The following ZAN variants were observed in gnomAD, a reference collection of about 807,000 sequenced individuals.
ZAN encodes zonadhesin.
ZAN carries 260 observed loss-of-function variants against 286.2 expected under a neutral mutation model. The observed-to-expected ratio is 0.91, with a 90% CI of 0.82 to 1.01. The LOEUF is 1.01. ZAN is among the 50% of genes least tolerant of loss of function. The pLI is 0.00. For missense variants in ZAN, 3,410 were observed against 3,639.2 expected (o/e 0.94, Z 1.62); for synonymous variants, 1,368 against 1,417.5 (o/e 0.97, Z 0.79).
rs575862240 is a variant in ZAN at position 100,788,091 on chromosome 7, C to G, written c.7182C>G (p.Thr2394=). ...TCTTCTTGCAGGAAGTGATTACCAC[C>G]GTCTACGGCTATAAAGTGCAGCTCC... ...SSIFLQEVIT[T]VYGYKVQLQA... Residue 2394 remains threonine, a synonymous_variant, in exon 38 of 48, where the codon ACC becomes ACG. Transcript: ENST00000613979. 1 of 1,567,500 alleles carries G rather than the reference C, an allele frequency of 6.4e-7. No homozygotes were observed. Among genetic ancestry groups the G allele is most frequent in the African/African-American group, 1.3e-5 (1 of 74,370 alleles).
At position 100,755,187 on chromosome 7, in the gene ZAN, C is replaced by T. The variant is rs576795143; in HGVS notation, c.3125-39C>T. 1.1e-5 allele frequency: 17 copies of T among 1,574,654 alleles called. No homozygotes were observed. The East Asian group carries it at 3.9e-4, about 36-fold the overall frequency. On this transcript the variant is annotated intron_variant, in intron 14 of 47. Coordinates refer to ENST00000613979, the MANE Select transcript of ZAN (RefSeq NM_003386.3). ...AGACAGGGAGACTCCCTGAGAAAGC[C>T]ATGGAATGAAAGCATGACAGAGGCT...
chr7:100,750,460 C>T (rs1243968989), intron 11 of ZAN, among the ~76,000 whole-genome samples, 165 bp from the exon 12 acceptor site: 3 of 152,150 alleles, frequency 2.0e-5, no homozygotes, highest in Non-Finnish European at 4.4e-5. Flanking sequence ...TGTGATCCCA[C>T]CTTCTTTAGT....
intron 44 of ZAN, among the ~76,000 whole-genome samples, chr7:100,794,667 C>G (rs908627316): frequency 1.3e-5 from 2 of 151,852 alleles, no homozygotes; most frequent in African/African-American, 4.8e-5. Flanking sequence ...GACATCGTCT[C>G]TACTAAAAAT....
At position 100,766,635 on chromosome 7, in the gene ZAN, A is replaced by G. The variant is rs760410946; in HGVS notation, c.4581A>G (p.Gln1527=). Reference sequence around the variant, plus strand: ...GTAGGGCCCAGGAGTTCTGTGGCCAACAGGATGGTATCTATGGCTGCCATG... The same window carrying G: ...GTAGGGCCCAGGAGTTCTGTGGCCAGCAGGATGGTATCTATGGCTGCCATG... ...WRCRAQEFCG[Q]QDGIYGCHAQ... Residue 1527 remains glutamine (Q), a synonymous_variant, in exon 24 of 48, where the codon CAA becomes CAG. Coordinates refer to ENST00000613979, the MANE Select transcript of ZAN (RefSeq NM_003386.3). 12 of 1,565,322 alleles carry G rather than the reference A, an allele frequency of 7.7e-6. No individual in the cohort carries two copies. The highest frequency in any genetic ancestry group is 1.9e-5 in the Admixed American group (1 of 52,350).
chr7:100,747,630 G>A lies in ZAN; in HGVS notation c.1012G>A (p.Gly338Arg). The change falls in exon 9 of 48, where the codon GGA (glycine) becomes AGA (arginine). Residue 338 changes from glycine to arginine, a missense_variant. Around this residue, in one of 7 missense-constraint regions of ZAN, gnomAD observed 872 missense variants for 938.9 expected, o/e 0.93. Transcript: ENST00000613979. ...QAVSVNYTAV[G>R]RIQFAVVGVF... ...TGTTTCTGTCAATTACACAGCCGTGGGACGGATACAGGTACAGAGAAGCAA... is the reference window on the plus strand; with the variant it reads ...TGTTTCTGTCAATTACACAGCCGTGAGACGGATACAGGTACAGAGAAGCAA... 12 of 1,613,772 alleles carry A rather than the reference G, an allele frequency of 7.4e-6. No individual in the cohort carries two copies. The highest frequency in any genetic ancestry group is 1.1e-5 in the South Asian group (1 of 91,076).
chr7:100,780,207 AG>A (rs1199047053), intron 35 of ZAN, among the ~76,000 whole-genome samples: 1 of 151,898 alleles, frequency 6.6e-6, no homozygotes, highest in Non-Finnish European at 1.5e-5. Context: ...AAAAAAAAAA[AG>A]TGTCTTTTAG....
chr7:100,735,755 G>A lies in ZAN; in HGVS notation c.89G>A (p.Arg30His), dbSNP rs761235495. Reference protein sequence around the residue: ...EKPPDQKLVVRSSRDNYVLTQ... With the variant: ...EKPPDQKLVVHSSRDNYVLTQ... ...CCTCCGGACCAGAAGCTGGTTGTTCGCAGCTCTAGGGACAACTGTGAGTTG... is the reference window on the plus strand; with the variant it reads ...CCTCCGGACCAGAAGCTGGTTGTTCACAGCTCTAGGGACAACTGTGAGTTG... The change falls in exon 3 of 48, where the codon CGC (arginine) becomes CAC (histidine). Residue 30 changes from arginine to histidine, a missense_variant. Arg to His is a conservative substitution (Grantham distance 29). Transcript: ENST00000613979. The A allele has an allele frequency of 1.6e-5, 24 of 1,506,712 alleles. 4 individuals are homozygous for A. The East Asian group carries it at 2.8e-4, about 17-fold the overall frequency. 93.3% of individuals were successfully genotyped at this position (1,506,712 alleles called of 1,614,324 possible).
In ZAN at chr7:100,792,990, A is replaced by AG. The variant is rs1812094022; in HGVS notation, c.7787+511_7787+512insG. On this transcript the variant is annotated intron_variant, in intron 42 of 47. Coordinates refer to ENST00000613979, the MANE Select transcript of ZAN (RefSeq NM_003386.3). ...AGAGCAACATCCTATCTCAAAAAAA[A>AG]AAAAAAAGAAAGAAAGAAAGAAAGA... Among the ~76,000 whole-genome samples the AG allele has an allele frequency of 2.1e-5, 3 of 141,988 alleles. 1 individual carries two copies. Among genetic ancestry groups the AG allele is most frequent in the South Asian group, 4.5e-4 (2 of 4,470 alleles). The allele number at this position is 141,988 out of a possible 152,430, so 93.1% of individuals were successfully genotyped here.
Position 100,750,845 on chromosome 7 carries a change from C to T in ZAN, c.1470C>T (p.Tyr490=), listed in dbSNP as rs1808610854. The T allele has an allele frequency of 3.8e-6, 6 of 1,587,076 alleles. No individual in the cohort carries two copies. Among genetic ancestry groups the T allele is most frequent in the Non-Finnish European group, 4.3e-6 (5 of 1,164,950 alleles). ...AACGCGTGGGGTCTCAGCGCCCTTA[C>T]TGGCAGAACACCTCCGTCACCGTCC... The part of the protein sequence containing the change: ...LWKRVGSQRP[Y]WQNTSVTVPS... Residue 490 remains tyrosine (Y), a synonymous_variant, in exon 12 of 48, where the codon TAC becomes TAT. Coordinates refer to ENST00000613979, the MANE Select transcript of ZAN (RefSeq NM_003386.3).
chr7:100,772,946 A>AT (rs1400691306), intron 29 of ZAN, among the ~76,000 whole-genome samples: 2 of 140,778 alleles, frequency 1.4e-5, no homozygotes, highest in Non-Finnish European at 3.0e-5. Flanking sequence ...ACCTCGCCTC[A>AT]TTGCAACCTC....
intron 8 of ZAN, among the ~76,000 whole-genome samples, chr7:100,746,913 A>G (rs1808262816): frequency 6.6e-6 from 1 of 152,112 alleles, no homozygotes; most frequent in South Asian, 2.1e-4. Flanking sequence ...CATCCTGGCT[A>G]ACATGGTGAA....
chr7:100,755,079 C>G lies in ZAN; in HGVS notation c.3125-147C>G, dbSNP rs534965258. 3 of 922,768 alleles carry G rather than the reference C, an allele frequency of 3.3e-6. No individual in the cohort carries two copies. In the African/African-American group the frequency reaches 5.0e-5, roughly 15 times the overall value. 57.2% of individuals were successfully genotyped at this position (922,768 alleles called of 1,614,324 possible). ...TGCTGGGATTATAGGTGTGAGCCACCGCACCCAGCCTTCAGGCCTTTTTAT... is the reference window on the plus strand; with the variant it reads ...TGCTGGGATTATAGGTGTGAGCCACGGCACCCAGCCTTCAGGCCTTTTTAT... On this transcript the variant is annotated intron_variant, in intron 14 of 47. Transcript: ENST00000613979.
At chr7:100,768,087 T>C in intron 26 of ZAN, 76 bp downstream of exon 26, 3 of 1,483,580 alleles carry the variant, frequency 2.0e-6, no homozygotes, top group Non-Finnish European at 2.7e-6. Context: ...TCCCCCAACA[T>C]CTCTGTGAGG....
At chr7:100,757,227 C>T (rs1008999009) in intron 15 of ZAN, among the ~76,000 whole-genome samples, 1 of 151,648 alleles carries the variant, frequency 6.6e-6, no homozygotes, top group South Asian at 2.1e-4. Context: ...CTGGGCTCAA[C>T]CCATCCTCCC....
At chr7:100,757,754 CAAAAAAAA>C (rs1166217824) in intron 15 of ZAN, among the ~76,000 whole-genome samples, 6 of 57,522 alleles carry the variant, frequency 1.0e-4, no homozygotes, top group African/African-American at 3.0e-4. Context: ...GACTCCGTCT[CAAAAAAAA>C]AAAAAAAAAC....
intron 15 of ZAN, among the ~76,000 whole-genome samples, chr7:100,757,057 C>T (rs976335263): frequency 3.9e-5 from 6 of 152,254 alleles, no homozygotes; most frequent in Middle Eastern, 6.8e-3. Flanking sequence ...CGTGAGCCAC[C>T]GCGCCTGGCT....
intron 35 of ZAN, among the ~76,000 whole-genome samples, chr7:100,781,776 ATTACTGGCATGTGCC>A (rs1240543127): frequency 4.2e-4 from 62 of 149,206 alleles, no homozygotes; most frequent in African/African-American, 1.5e-3. Context: ...AGTAGCTGGG[ATTACTGGCATGTGCC>A]ACCACACCCA....
chr7:100,751,041 G>A, intron 12 of ZAN, 141 bp from the exon 13 acceptor site: 3 of 1,380,206 alleles, frequency 2.2e-6, no homozygotes, highest in Non-Finnish European at 2.9e-6. Flanking sequence ...AGTGAGAAAG[G>A]GGCCGGGATG....
Position 100,752,175 on chromosome 7 carries a change from C to A in ZAN, c.2070C>A (p.Ser690Arg). 3.7e-6 allele frequency: 6 copies of A among 1,612,134 alleles called. No individual in the cohort carries two copies. Among genetic ancestry groups the A allele is most frequent in the Non-Finnish European group, 5.1e-6 (6 of 1,179,552 alleles). ...CCAGCATCCCTACAGAAAAACCCAG[C>A]ATCCCCACGGAAAAACCCACCATCT... Reference protein sequence around the residue: ...EKPSIPTEKPSIPTEKPTISM... With the variant: ...EKPSIPTEKPRIPTEKPTISM... Residue 690 changes from serine (S) to arginine (R), a missense_variant, in exon 14 of 48, where the codon AGC becomes AGA. Transcript: ENST00000613979.
Sources: gnomAD v4.1 joint callset for allele counts (sites outside exome capture counted in the v4.1 genomes callset) on GRCh38, gnomAD v4.1.1 for gene constraint, gnomAD v4.1.1 regional missense constraint, MANE v1.5 for transcripts, NCBI Gene and HGNC (gene_info 2026-07-23, HGNC 2026-07-21) for gene names.